The following C4orf36 variants were observed in gnomAD, a reference collection of about 807,000 sequenced individuals.
C4orf36 encodes the protein uncharacterized protein C4orf36.
A neutral mutation model predicts 12.2 loss-of-function variants in C4orf36; 11 were observed. That is an observed-to-expected ratio of 0.90 (90% CI 0.57 to 1.49). The LOEUF is 1.49. C4orf36 is among the 40% of genes most tolerant of loss of function. The pLI, the probability that C4orf36 is intolerant of heterozygous loss-of-function variation, is 0.00. For missense variants in C4orf36, 137 were observed against 133.9 expected, an observed-to-expected ratio of 1.02 and a Z score of -0.11; for synonymous variants, 54 against 51.3, an observed-to-expected ratio of 1.05 and a Z score of -0.22.
At chr4:86,914,654 G>A in the C4orf36 span, 1 of 334,350 alleles carries the variant, frequency 3.0e-6, no homozygotes. Context: ...ACCTGCCGAG[G>A]CCTCTCAAAG....
At chr4:86,891,072 AT>A (rs889899630) in intron 2 of C4orf36, among the ~76,000 whole-genome samples, 10 of 152,136 alleles carry the variant, frequency 6.6e-5, no homozygotes, top group Admixed American at 6.5e-4. Flanking sequence ...ACACCAGGGC[AT>A]TTTTTTGGTA....
chr4:86,892,432 C>T, upstream of C4orf36: 1 of 985,440 alleles, frequency 1.0e-6, no homozygotes. Flanking sequence ...TGGGGCTCCT[C>T]GCGTCACACG....
intron 4 of C4orf36, among the ~76,000 whole-genome samples, chr4:86,885,764 C>T (rs1214882404): frequency 2.6e-5 from 4 of 152,114 alleles, no homozygotes; most frequent in African/African-American, 4.8e-5. Context: ...AGAGGGCATC[C>T]CTGTCTTGTG....
chr4:86,876,367 G>A lies in C4orf36; in HGVS notation c.*79C>T. ...AGCGCAGCGACGGCCGGGGCCGGGA[G>A]CGGGTCCTGGGCGGCCCAGGAGAAG... On this transcript the variant is annotated 3_prime_UTR_variant, in exon 5 of 5. Transcript: ENST00000295898. 5 of 1,593,000 alleles carry A rather than the reference G, an allele frequency of 3.1e-6. No individual in the cohort carries two copies. Among genetic ancestry groups the A allele is most frequent in the South Asian group, 1.1e-5 (1 of 89,518 alleles).
chr4:86,921,869 CT>C, the C4orf36 span, among the ~76,000 whole-genome samples: 1 of 152,226 alleles, frequency 6.6e-6, no homozygotes, highest in African/African-American at 2.4e-5. Context: ...CTGACAACCA[CT>C]GTTCTACTTT....
chr4:86,927,013 C>T, the C4orf36 span, among the ~76,000 whole-genome samples: 2 of 152,146 alleles, frequency 1.3e-5, no homozygotes, highest in Non-Finnish European at 2.9e-5. Context: ...GCTATAATAG[C>T]AGAGTTGAGT....
At chr4:86,916,242 T>C in the C4orf36 span, among the ~76,000 whole-genome samples, 10 of 151,922 alleles carry the variant, frequency 6.6e-5, no homozygotes, top group Admixed American at 1.3e-4. Context: ...GGTATGTTGA[T>C]GCACCTCTTG....
chr4:86,931,987 A>G, the C4orf36 span, among the ~76,000 whole-genome samples: 1 of 147,424 alleles, frequency 6.8e-6, no homozygotes, highest in Non-Finnish European at 1.5e-5. Context: ...GTGAGCCGAG[A>G]TTGCACCATT....
At chr4:86,891,953 C>A (rs540186481) in intron 1 of C4orf36, 3 of 992,390 alleles carry the variant, frequency 3.0e-6, no homozygotes, top group South Asian at 4.1e-5. Context: ...CCCGCCCCGG[C>A]CCGGGCACTT....
At chr4:86,927,754 A>G in the C4orf36 span, among the ~76,000 whole-genome samples, 1 of 151,748 alleles carries the variant, frequency 6.6e-6, no homozygotes, top group Admixed American at 6.6e-5. Flanking sequence ...TGCCGAGATC[A>G]CGCCACTGCA....
the C4orf36 span, among the ~76,000 whole-genome samples, chr4:86,926,662 G>A: frequency 3.9e-5 from 6 of 152,060 alleles, no homozygotes. Context: ...CATTCTCAGG[G>A]TATGCTTACG....
chr4:86,903,969 G>A, the C4orf36 span, among the ~76,000 whole-genome samples: 3 of 152,202 alleles, frequency 2.0e-5, no homozygotes, highest in African/African-American at 7.2e-5. Flanking sequence ...GCGCTGATTG[G>A]TGCGTTCACA....
intron 4 of C4orf36, among the ~76,000 whole-genome samples, chr4:86,879,562 A>G (rs779630246): frequency 2.6e-4 from 40 of 152,154 alleles, no homozygotes; most frequent in Admixed American, 4.6e-4. Flanking sequence ...CAAACAGACC[A>G]ATATATGCAT....
the C4orf36 span, chr4:86,933,255 T>G: frequency 6.6e-6 from 1 of 151,780 alleles, no homozygotes; most frequent in African/African-American, 2.4e-5. Flanking sequence ...TCAACAGAAG[T>G]GTGTACTGGA....
the C4orf36 span, among the ~76,000 whole-genome samples, chr4:86,932,043 A>G: frequency 1.3e-5 from 1 of 74,678 alleles, no homozygotes; most frequent in Non-Finnish European, 3.5e-5. Context: ...TCAAAAAGAA[A>G]AAAAAAAAAA....
At chr4:86,878,605 C>T (rs762230903) in intron 4 of C4orf36, among the ~76,000 whole-genome samples, 6 of 152,178 alleles carry the variant, frequency 3.9e-5, no homozygotes, top group South Asian at 4.1e-4. Flanking sequence ...TTCCTTCTCC[C>T]GTGCACAAGG....
At chr4:86,914,223 A>G in the C4orf36 span, 4 of 1,597,792 alleles carry the variant, frequency 2.5e-6, no homozygotes, top group African/African-American at 4.0e-5. Flanking sequence ...CAGGATCACC[A>G]GGGTTGGCTT....
chr4:86,897,338 G>A (rs1209477700), upstream of C4orf36, among the ~76,000 whole-genome samples: 1 of 152,118 alleles, frequency 6.6e-6, no homozygotes, highest in African/African-American at 2.4e-5. Flanking sequence ...TCCAGCCTGG[G>A]TGAATGAGTG....
At chr4:86,887,100 C>T (rs372815329) in intron 4 of C4orf36, 2 of 136,338 alleles carry the variant, frequency 1.5e-5, no homozygotes, top group Admixed American at 1.5e-4. Context: ...ACATCACACA[C>T]GGGGGCCTGT....
Sources: allele counts gnomAD v4.1 joint callset (sites outside exome capture counted in the v4.1 genomes callset), GRCh38; gene constraint gnomAD v4.1.1; transcripts MANE v1.5; gene names NCBI Gene and HGNC (gene_info 2026-07-23, HGNC 2026-07-21).